Variants in FSCN1 observed in about 807,000 individuals in gnomAD.
The protein encoded by FSCN1 is fascin.
In FSCN1, 10 loss-of-function variants were observed where a neutral mutation model predicts 39.7. The observed-to-expected ratio is 0.25, with a 90% CI of 0.16 to 0.43. The LOEUF (loss-of-function observed/expected upper bound fraction) is 0.43, where lower values mean the gene tolerates loss of function less well. Ranked by LOEUF, FSCN1 falls within the 20% of genes least tolerant of loss-of-function variation. The probability of loss-of-function intolerance (pLI) is 1.00; values close to 1 mark genes in which losing one functional copy is unlikely to be tolerated. For synonymous variants in FSCN1, 322 were observed against 320.0 expected, an observed-to-expected ratio of 1.01 and a Z score of -0.07; for missense variants, 525 against 723.8, an observed-to-expected ratio of 0.73 and a Z score of 3.15.
At position 5,605,438 on chromosome 7, in the gene FSCN1, G is replaced by A. The variant is rs113601886; in HGVS notation, c.1446G>A (p.Ala482=). ...GDHAGVLKAS[A]ETVDPASLWE... is the part of the protein sequence containing the mutation. ...ACGCAGGCGTCCTGAAGGCCTCGGC[G>A]GAAACCGTGGACCCCGCCTCGCTCT... Residue 482 remains alanine (A), a synonymous_variant, in exon 5 of 5, where the codon GCG becomes GCA. Transcript: ENST00000382361. The surrounding 1 kb of genome is among the most constrained non-coding windows in gnomAD (Gnocchi z 6.9). 39 of 1,603,212 alleles carry A rather than the reference G, an allele frequency of 2.4e-5. No individual in the cohort carries two copies. Among genetic ancestry groups the A allele is most frequent in the Admixed American group, 1.2e-4 (7 of 58,262 alleles).
Position 5,605,260 on chromosome 7 carries a change from T to A in FSCN1, c.1280-12T>A. On this transcript the variant is annotated splice_polypyrimidine_tract_variant and intron_variant, in intron 4 of 4. Transcript: ENST00000382361. This position sits in a 1 kb window ranked among gnomAD's most constrained non-coding sequence, Gnocchi z 6.9. Reference sequence around the variant, plus strand: ...AGGCTTTGGGCCCCACTTGATAAAGTCCCCTCCCCAGACTCCACAGGCAAA... The same window carrying A: ...AGGCTTTGGGCCCCACTTGATAAAGACCCCTCCCCAGACTCCACAGGCAAA... 3 of 1,607,030 alleles carry A rather than the reference T, an allele frequency of 1.9e-6. No individual in the cohort carries two copies. The highest frequency in any genetic ancestry group is 2.6e-6 in the Non-Finnish European group (3 of 1,174,296).
chr7:5,603,479 G>C lies in FSCN1; in HGVS notation c.990-17G>C. On this transcript the variant is annotated splice_polypyrimidine_tract_variant and intron_variant, in intron 2 of 4. Transcript: ENST00000382361. The surrounding 1 kb of genome is among the most constrained non-coding windows in gnomAD (Gnocchi z 8.5). ...TGCCTGGGCTACCCCGCCTGACCCT[G>C]TCCCGCCATCCCCCAGGAATGCCAG... is the stretch of plus-strand genomic sequence containing the variant. 1 of 1,614,026 alleles carries C rather than the reference G, an allele frequency of 6.2e-7. No homozygotes were observed. The highest frequency in any genetic ancestry group is 8.5e-7 in the Non-Finnish European group (1 of 1,180,006).
intron 1 of FSCN1, among the ~76,000 whole-genome samples, chr7:5,602,165 C>T (rs1257410639): frequency 6.6e-6 from 1 of 151,546 alleles, no homozygotes; most frequent in South Asian, 2.1e-4. Context: ...CTTGGCCTCC[C>T]AAACTGCTGG....
In FSCN1 at chr7:5,599,655, A is replaced by C. The variant is rs892399966; in HGVS notation, c.833-3602A>C. 2.0e-5 allele frequency among the ~76,000 whole-genome samples: 3 copies of C among 152,052 alleles called. No individual in the cohort carries two copies. Among genetic ancestry groups the C allele is most frequent in the Admixed American group, 1.3e-4 (2 of 15,262 alleles). On this transcript the variant is annotated intron_variant, in intron 1 of 4. Coordinates refer to ENST00000382361, the MANE Select transcript of FSCN1 (RefSeq NM_003088.4). The surrounding 1 kb of genome is among the most constrained non-coding windows in gnomAD (Gnocchi z 5.6). ...CCCCATCTCTACAAAATAATGTTAA[A>C]GTTAGCCAGGTGTAGTGGTGAGTGC...
Position 5,603,296 on chromosome 7 carries a change from A to T in FSCN1, c.872A>T (p.Gln291Leu), listed in dbSNP as rs1443340638. Residue 291 changes from glutamine (Q) to leucine (L), a missense_variant, in exon 2 of 5, where the codon CAG becomes CTG. Gln to Leu is a moderately radical substitution (Grantham distance 113). This residue lies in a region of FSCN1 where 275 missense variants were observed against 351.9 expected (regional missense o/e 0.78). Transcript: ENST00000382361. This position sits in a 1 kb window ranked among gnomAD's most constrained non-coding sequence, Gnocchi z 8.5. ...LSANQDEETD[Q>L]ETFQLEIDRD... ...GCCAATCAGGACGAGGAGACCGACC[A>T]GGAGACCTTCCAGCTGGAGATCGAC... 40 of 1,612,938 alleles carry T rather than the reference A, an allele frequency of 2.5e-5. No individual in the cohort carries two copies. The highest frequency in any genetic ancestry group is 2.9e-5 in the Non-Finnish European group (34 of 1,180,012).
At chr7:5,602,473 C>G (rs565808181) in intron 1 of FSCN1, among the ~76,000 whole-genome samples, 3 of 152,102 alleles carry the variant, frequency 2.0e-5, no homozygotes, top group Admixed American at 1.3e-4. Flanking sequence ...TGCTGCAGCC[C>G]CATTTGTCCT....
At position 5,603,071 on chromosome 7, in the gene FSCN1, G is replaced by A. The variant is rs1351709206; in HGVS notation, c.833-186G>A. Reference sequence around the variant, plus strand: ...ACAGATGTAGCTTGCCTTGGCCTCTGACCGGCCCTGCCTGCGTTCCTGGGT... The same window carrying A: ...ACAGATGTAGCTTGCCTTGGCCTCTAACCGGCCCTGCCTGCGTTCCTGGGT... On this transcript the variant is annotated intron_variant, in intron 1 of 4. Transcript: ENST00000382361. The surrounding 1 kb of genome is among the most constrained non-coding windows in gnomAD (Gnocchi z 8.5). 1 of 636,960 alleles carries A rather than the reference G, an allele frequency of 1.6e-6. No homozygotes were observed. Among genetic ancestry groups the A allele is most frequent in the Non-Finnish European group, 2.7e-6 (1 of 365,152 alleles). The allele number at this position is 636,960 out of a possible 1,614,324, so 39.5% of individuals were successfully genotyped here.
chr7:5,596,053 C>T (rs1367989699), intron 1 of FSCN1, among the ~76,000 whole-genome samples: 13 of 147,908 alleles, frequency 8.8e-5, no homozygotes, highest in Admixed American at 2.1e-4. Flanking sequence ...ACTTGGGGGC[C>T]GAGGTTGGGG....
chr7:5,595,431 A>T (rs567667237), intron 1 of FSCN1, among the ~76,000 whole-genome samples: 1 of 152,342 alleles, frequency 6.6e-6, no homozygotes, highest in African/African-American at 2.4e-5. Flanking sequence ...ATCAGCAGGC[A>T]TTGAGCCCTA....
Position 5,593,006 on chromosome 7 carries a change from C to T in FSCN1, c.70C>T (p.Leu24=), listed in dbSNP as rs1785660747. ...FGLINCGNKY[L]TAEAFGFKVN... is the part of the protein sequence containing the mutation. ...CCTCATCAACTGCGGCAACAAGTAC[C>T]TGACGGCCGAGGCGTTCGGGTTCAA... The change falls in exon 1 of 5, where the codon CTG becomes TTG. Residue 24 remains leucine, a synonymous_variant. Coordinates refer to ENST00000382361, the MANE Select transcript of FSCN1 (RefSeq NM_003088.4). The T allele has an allele frequency of 6.3e-7, 1 of 1,595,916 alleles. No individual in the cohort carries two copies. Among genetic ancestry groups the T allele is most frequent in the Non-Finnish European group, 8.5e-7 (1 of 1,171,622 alleles).
intron 1 of FSCN1, among the ~76,000 whole-genome samples, chr7:5,598,976 C>CT (rs935088604): frequency 5.7e-4 from 86 of 152,180 alleles, no homozygotes; most frequent in African/African-American, 1.9e-3. Context: ...GCTGGCCTGA[C>CT]GGCTCCCTGC....
Position 5,599,458 on chromosome 7 carries a change from T to C in FSCN1, c.833-3799T>C, listed in dbSNP as rs1248003772. On this transcript the variant is annotated intron_variant, in intron 1 of 4. Transcript: ENST00000382361. This position sits in a 1 kb window ranked among gnomAD's most constrained non-coding sequence, Gnocchi z 5.6. ...GGCCTTAGTCTCCCTCTTTGTGAAG[T>C]AGGATGAAGATCCCCACCTGTGGAG... is the stretch of plus-strand genomic sequence containing the variant. Among the ~76,000 whole-genome samples the C allele has an allele frequency of 6.6e-6, 1 of 152,050 alleles. No individual in the cohort carries two copies. The highest frequency in any genetic ancestry group is 1.5e-5 in the Non-Finnish European group (1 of 68,018).
Position 5,605,199 on chromosome 7 carries a change from C to A in FSCN1, c.1280-73C>A. 8.4e-7 allele frequency: 1 copy of A among 1,187,562 alleles called. No individual in the cohort carries two copies. The highest frequency in any genetic ancestry group is 1.2e-6 in the Non-Finnish European group (1 of 807,340). 73.6% of individuals were successfully genotyped at this position (1,187,562 alleles called of 1,614,324 possible). On this transcript the variant is annotated intron_variant, in intron 4 of 4. Transcript: ENST00000382361. This position sits in a 1 kb window ranked among gnomAD's most constrained non-coding sequence, Gnocchi z 6.9. ...GGCGTCACCCTTGGGAACACCCGTG[C>A]CCACCCTCCGCTGCCCAGGGTAGGG... is the stretch of plus-strand genomic sequence containing the variant.
At chr7:5,604,051 C>T (rs1444708702) in intron 4 of FSCN1, 21 bp downstream of exon 4, 4 of 1,609,678 alleles carry the variant, frequency 2.5e-6, no homozygotes, top group African/African-American at 1.3e-5. Flanking sequence ...CTGTGGGCAG[C>T]TGCTGGGCAG....
At chr7:5,601,705 T>C (rs1453748134) in intron 1 of FSCN1, among the ~76,000 whole-genome samples, 1 of 151,928 alleles carries the variant, frequency 6.6e-6, no homozygotes, top group Admixed American at 6.6e-5. Context: ...CTTGATGTGG[T>C]GGTGTGTGCC....
intron 1 of FSCN1, among the ~76,000 whole-genome samples, chr7:5,597,865 G>A (rs944736654): frequency 2.6e-5 from 4 of 152,104 alleles, no homozygotes; most frequent in Admixed American, 6.6e-5. Flanking sequence ...CCGTGGGCCC[G>A]GCACAGGAGA....
rs11557814 is a variant in FSCN1, at chr7:5,592,884, G to T, written c.-53G>T. On this transcript the variant is annotated 5_prime_UTR_variant, in exon 1 of 5. Coordinates refer to ENST00000382361, the MANE Select transcript of FSCN1 (RefSeq NM_003088.4). The surrounding 1 kb of genome is among the most constrained non-coding windows in gnomAD (Gnocchi z 5.3). Reference sequence around the variant, plus strand: ...AAAGGAGCAGGGGCGCCGCCGCAGGGACCCGCCACCCACCTCCCGGGGCCG... The same window carrying T: ...AAAGGAGCAGGGGCGCCGCCGCAGGTACCCGCCACCCACCTCCCGGGGCCG... The T allele has an allele frequency of 8.6e-7, 1 of 1,165,526 alleles. No individual in the cohort carries two copies. The highest frequency in any genetic ancestry group is 1.2e-6 in the Non-Finnish European group (1 of 844,280). 72.2% of individuals were successfully genotyped at this position (1,165,526 alleles called of 1,614,324 possible). A position where few individuals can be genotyped will look rare whatever the true frequency, so the allele number is the denominator to read the frequency against.
At chr7:5,600,950 G>GGCCA (rs1253356120) in intron 1 of FSCN1, among the ~76,000 whole-genome samples, 1 of 131,886 alleles carries the variant, frequency 7.6e-6, no homozygotes, top group Non-Finnish European at 1.6e-5. Flanking sequence ...CACCTTGCCT[G>GGCCA]GTCCTTTTTT....
chr7:5,602,425 C>A (rs1446431700), intron 1 of FSCN1, among the ~76,000 whole-genome samples: 2 of 151,956 alleles, frequency 1.3e-5, no homozygotes, highest in Middle Eastern at 3.4e-3. Flanking sequence ...ATAGCATGAA[C>A]CCCCAGACAC....
Sources: allele counts gnomAD v4.1 joint callset (sites outside exome capture counted in the v4.1 genomes callset), GRCh38; gene constraint gnomAD v4.1.1; regional missense constraint gnomAD v4.1.1; non-coding constraint Gnocchi (gnomAD v3.1); transcripts MANE v1.5; gene names NCBI Gene and HGNC (gene_info 2026-07-23, HGNC 2026-07-21).